ADCY5: variants seen among roughly 807,000 people sequenced by gnomAD.
The protein encoded by ADCY5 is adenylate cyclase 5.
A neutral mutation model predicts 119.7 loss-of-function variants in ADCY5; 30 were observed. The observed-to-expected ratio is 0.25, with a 90% CI of 0.19 to 0.34. The LOEUF (loss-of-function observed/expected upper bound fraction) is 0.34, where lower values mean the gene tolerates loss of function less well. Ranked by LOEUF, ADCY5 falls within the 10% of genes least tolerant of loss-of-function variation. The pLI, the probability that ADCY5 is intolerant of heterozygous loss-of-function variation, is 1.00. For synonymous variants in ADCY5, 753 were observed against 762.2 expected (o/e 0.99, Z 0.20); for missense variants, 1,324 against 1,775.2 (o/e 0.75, Z 4.57).
At chr3:123,323,137 G>C (rs1174272033) in intron 8 of ADCY5, among the ~76,000 whole-genome samples, 3 of 152,194 alleles carry the variant, frequency 2.0e-5, no homozygotes, top group Middle Eastern at 3.2e-3. Context: ...CCCCTCAGGG[G>C]ACACCAGGCC....
chr3:123,305,525 T>C (rs1940151280), intron 12 of ADCY5, among the ~76,000 whole-genome samples: 1 of 152,172 alleles, frequency 6.6e-6, no homozygotes, highest in African/African-American at 2.4e-5. Context: ...TGAGGGCCCA[T>C]CACATGGGAC....
In ADCY5 at chr3:123,284,639, T is replaced by C. The variant is rs1938609382; in HGVS notation, c.3755A>G (p.Tyr1252Cys). 1 of 1,614,220 alleles carries C rather than the reference T, an allele frequency of 6.2e-7. No individual in the cohort carries two copies. Among genetic ancestry groups the C allele is most frequent in the Non-Finnish European group, 8.5e-7 (1 of 1,180,024 alleles). ...GAGCGGGGGCCCTCCATTGAGGAAG[T>C]AGGTCATCATCTCGCCTTTGCCCTT... ...KVKGKGEMMT[Y>C]FLNGGPPLS Residue 1252 changes from tyrosine (Y) to cysteine (C), a missense_variant, in exon 21 of 21, where the codon TAC (tyrosine) becomes TGC (cysteine). Coordinates refer to ENST00000462833, the MANE Select transcript of ADCY5 (RefSeq NM_183357.3).
intron 1 of ADCY5, among the ~76,000 whole-genome samples, chr3:123,424,914 A>G (rs1945373787): frequency 6.6e-6 from 1 of 152,222 alleles, no homozygotes; most frequent in African/African-American, 2.4e-5. Flanking sequence ...TGGGGCCAGC[A>G]CCCTGAAATG....
intron 8 of ADCY5, among the ~76,000 whole-genome samples, chr3:123,324,745 T>C (rs927333700): frequency 3.3e-5 from 5 of 152,188 alleles, no homozygotes; most frequent in Admixed American, 2.6e-4. Flanking sequence ...CACCCGACCA[T>C]GGCCTCCCCG....
intron 1 of ADCY5, among the ~76,000 whole-genome samples, chr3:123,424,150 C>T (rs866285938): frequency 6.6e-6 from 1 of 152,244 alleles, no homozygotes; most frequent in African/African-American, 2.4e-5. Flanking sequence ...ACTGTGCACA[C>T]GCACGTGGGA....
At chr3:123,322,607 C>T (rs1333026003) in intron 8 of ADCY5, among the ~76,000 whole-genome samples, 2 of 152,222 alleles carry the variant, frequency 1.3e-5, no homozygotes, top group Admixed American at 6.5e-5. Flanking sequence ...TCTAGGACAG[C>T]GGCTACTTGG....
At chr3:123,365,488 G>A in intron 1 of ADCY5, among the ~76,000 whole-genome samples, 1 of 152,160 alleles carries the variant, frequency 6.6e-6, no homozygotes, top group East Asian at 1.9e-4. Context: ...TCTATGAAGG[G>A]AAAGCAGAGT....
intron 1 of ADCY5, among the ~76,000 whole-genome samples, chr3:123,408,506 A>C (rs1944962341): frequency 6.6e-6 from 1 of 151,870 alleles, no homozygotes. Context: ...AAATACAAAA[A>C]TTAGCTGGGC....
chr3:123,315,186 G>A (rs1004244646), intron 11 of ADCY5, among the ~76,000 whole-genome samples: 1 of 152,248 alleles, frequency 6.6e-6, no homozygotes, highest in African/African-American at 2.4e-5. Flanking sequence ...TGTTGTTATG[G>A]GGTTAAAAGC....
intron 8 of ADCY5, among the ~76,000 whole-genome samples, chr3:123,321,591 T>A (rs920153537): frequency 6.6e-6 from 1 of 152,070 alleles, no homozygotes; most frequent in African/African-American, 2.4e-5. Context: ...GACTTGCTGT[T>A]TAGATTAGCC....
At chr3:123,391,156 G>A (rs575632047) in intron 1 of ADCY5, among the ~76,000 whole-genome samples, 89 of 152,352 alleles carry the variant, frequency 5.8e-4, no homozygotes, top group African/African-American at 2.1e-3. Flanking sequence ...TACAGGGCAT[G>A]CTGATACCTC....
At chr3:123,346,632 T>TCTCTCTCTCTCTCTCTCTCC (rs1942576555) in intron 3 of ADCY5, among the ~76,000 whole-genome samples, 1 of 150,732 alleles carries the variant, frequency 6.6e-6, no homozygotes, top group Admixed American at 6.6e-5. Context: ...TCTCTCTCTC[T>TCTCTCTCTCTCTCTCTCTCC]CTCTCTCTCT....
intron 19 of ADCY5, among the ~76,000 whole-genome samples, chr3:123,288,336 T>C (rs973541391): frequency 6.6e-6 from 1 of 152,228 alleles, no homozygotes; most frequent in Non-Finnish European, 1.5e-5. Flanking sequence ...AATTGTAATT[T>C]TTAAAAATTT....
chr3:123,311,817 G>C (rs1322003569), intron 12 of ADCY5, among the ~76,000 whole-genome samples: 1 of 152,150 alleles, frequency 6.6e-6, no homozygotes, highest in Non-Finnish European at 1.5e-5. Flanking sequence ...TGTGGCCTGG[G>C]GGTAGAGGGC....
rs750828200 is a variant in ADCY5, at chr3:123,416,089, G to C, written c.1134+31323C>G. The C allele has an allele frequency of 1.0e-4, 145 of 1,393,548 alleles. 1 individual carries two copies. Among genetic ancestry groups the C allele is most frequent in the Non-Finnish European group, 1.3e-4 (135 of 1,023,272 alleles). The allele number at this position is 1,393,548 out of a possible 1,614,324, so 86.3% of individuals were successfully genotyped here. On this transcript the variant is annotated intron_variant, in intron 1 of 20. Coordinates refer to ENST00000462833, the MANE Select transcript of ADCY5 (RefSeq NM_183357.3). The stretch of plus-strand genomic sequence containing the variant: ...TCAGGGGTTACAGTACAGGCCCCAG[G>C]TGAGGTGTCCAAGAAGGTGGAAGGG...
intron 3 of ADCY5, among the ~76,000 whole-genome samples, chr3:123,346,974 G>A (rs373382607): frequency 6.6e-6 from 1 of 152,172 alleles, no homozygotes; most frequent in South Asian, 2.1e-4. Flanking sequence ...GCTGTCAGCA[G>A]CTTCTGTCTA....
At chr3:123,404,988 C>A (rs1489040175) in intron 1 of ADCY5, among the ~76,000 whole-genome samples, 1 of 152,226 alleles carries the variant, frequency 6.6e-6, no homozygotes, top group Non-Finnish European at 1.5e-5. Context: ...TAACTCTGGG[C>A]CTCAGTTTTC....
chr3:123,365,788 A>G (rs1447163150), intron 1 of ADCY5, among the ~76,000 whole-genome samples: 3 of 152,178 alleles, frequency 2.0e-5, no homozygotes, highest in African/African-American at 7.2e-5. Flanking sequence ...ACGGTGAATG[A>G]AGGTGACTCT....
Position 123,328,783 on chromosome 3 carries a change from C to T in ADCY5, c.1666G>A (p.Gly556Arg), listed in dbSNP as rs1941616905. ...CCCACACGCATGTTCACGTTCACCC[C>T]TGTCACCTCCCGGACCAACCTGGGG... The part of the protein sequence containing the change: ...EAISLVREVT[G>R]VNVNMRVGIH... The change falls in exon 6 of 21, where the codon GGG becomes AGG. Residue 556 changes from glycine to arginine, a missense_variant. Physicochemically the swap from Gly to Arg is moderately radical, Grantham distance 125. Around this residue, in one of 6 missense-constraint regions of ADCY5, gnomAD observed 123 missense variants for 287.9 expected, o/e 0.43. Coordinates refer to ENST00000462833, the MANE Select transcript of ADCY5 (RefSeq NM_183357.3). The T allele has an allele frequency of 6.2e-7, 1 of 1,614,092 alleles. No homozygotes were observed. Among genetic ancestry groups the T allele is most frequent in the Admixed American group, 1.7e-5 (1 of 60,012 alleles).
Sources: allele counts gnomAD v4.1 joint callset (sites outside exome capture counted in the v4.1 genomes callset), GRCh38; gene constraint gnomAD v4.1.1; regional missense constraint gnomAD v4.1.1; transcripts MANE v1.5; gene names NCBI Gene and HGNC (gene_info 2026-07-23, HGNC 2026-07-21).